Variants in LRRC8B observed in about 807,000 individuals in gnomAD.
The protein encoded by LRRC8B is leucine rich repeat containing 8 VRAC subunit B.
Under a neutral mutation model 58.8 loss-of-function variants are expected in LRRC8B, and 23 were observed. The observed-to-expected ratio is 0.39, with a 90% CI of 0.28 to 0.55. The LOEUF is 0.55. Among genes scored for constraint, LRRC8B ranks in the 20% least tolerant of loss-of-function variants. The probability of loss-of-function intolerance (pLI) is 0.62; values close to 1 mark genes in which losing one functional copy is unlikely to be tolerated. For synonymous variants in LRRC8B, 359 were observed against 374.1 expected (o/e 0.96, Z 0.47); for missense variants, 694 against 936.0 (o/e 0.74, Z 3.37).
intron 1 of LRRC8B, among the ~76,000 whole-genome samples, chr1:89,564,049 T>C (rs1652864968): frequency 6.6e-6 from 1 of 152,248 alleles, no homozygotes. Flanking sequence ...GGTTTTGATT[T>C]ATTTTAACCA....
chr1:89,567,676 T>C (rs983207369), intron 1 of LRRC8B, among the ~76,000 whole-genome samples: 17 of 152,146 alleles, frequency 1.1e-4, no homozygotes, highest in Middle Eastern at 3.2e-3. Context: ...TTTGATGCTG[T>C]ATATCAGAGG....
rs1418087382 is a variant in LRRC8B at position 89,561,536 on chromosome 1, C to G, written c.-240-6711C>G. On this transcript the variant is annotated intron_variant, in intron 1 of 5. Transcript: ENST00000330947. Reference sequence around the variant, plus strand: ...ATGGTTTTAGGTCTAACGTTTAAATCTTTAATCCATCTTGAATTGATTTTT... The same window carrying G: ...ATGGTTTTAGGTCTAACGTTTAAATGTTTAATCCATCTTGAATTGATTTTT... Among the ~76,000 whole-genome samples the G allele has an allele frequency of 2.3e-3, 209 of 91,104 alleles. 2 individuals carry two copies. The highest frequency in any genetic ancestry group is 0.012 in the Middle Eastern group (3 of 242). 59.8% of individuals were successfully genotyped at this position (91,104 alleles called of 152,430 possible).
At chr1:89,545,445 A>G (rs1011957629) in intron 1 of LRRC8B, among the ~76,000 whole-genome samples, 1 of 152,228 alleles carries the variant, frequency 6.6e-6, no homozygotes, top group Non-Finnish European at 1.5e-5. Flanking sequence ...ACAGAAGGGC[A>G]GGACAAGAAC....
chr1:89,528,902 T>C (rs1649897346), intron 1 of LRRC8B, among the ~76,000 whole-genome samples: 1 of 152,190 alleles, frequency 6.6e-6, no homozygotes, highest in South Asian at 2.1e-4. Flanking sequence ...TACTTCTTGT[T>C]ATATGTCATT....
At chr1:89,555,064 A>G (rs1036816949) in intron 1 of LRRC8B, among the ~76,000 whole-genome samples, 32 of 152,082 alleles carry the variant, frequency 2.1e-4, no homozygotes, top group African/African-American at 7.7e-4. Context: ...CAGAGGGCCC[A>G]TGTTTCTCCT....
intron 4 of LRRC8B, among the ~76,000 whole-genome samples, chr1:89,580,995 T>C (rs538076603): frequency 6.6e-6 from 1 of 151,138 alleles, no homozygotes; most frequent in Non-Finnish European, 1.5e-5. Flanking sequence ...CAAATGAGAG[T>C]AAAAAAGTCT....
chr1:89,583,533 G>T lies in LRRC8B; in HGVS notation c.883G>T (p.Ala295Ser). The stretch of plus-strand genomic sequence containing the variant: ...AATCGACTGTTCAGTTGATGTGCAG[G>T]CTTTTACAGGATATAAGCGCTACCA... ...LEIDCSVDVQ[A>S]FTGYKRYQCV... Residue 295 changes from alanine (A) to serine (S), a missense_variant, in exon 5 of 6, where the codon GCT (alanine) becomes TCT (serine). Physicochemically the swap from Ala to Ser is moderately conservative, Grantham distance 99 (BLOSUM62 1). Coordinates refer to ENST00000330947, the MANE Select transcript of LRRC8B (RefSeq NM_001369817.2). The surrounding 1 kb of genome is among the most constrained non-coding windows in gnomAD (Gnocchi z 5.2). 1 of 1,612,708 alleles carries T rather than the reference G, an allele frequency of 6.2e-7. No homozygotes were observed. The highest frequency in any genetic ancestry group is 8.5e-7 in the Non-Finnish European group (1 of 1,180,036).
At chr1:89,566,123 A>G (rs1653031872) in intron 1 of LRRC8B, among the ~76,000 whole-genome samples, 1 of 152,200 alleles carries the variant, frequency 6.6e-6, no homozygotes, top group Non-Finnish European at 1.5e-5. Context: ...AACCCATGAA[A>G]GAGACATTGG....
At chr1:89,535,717 A>G (rs1264278105) in intron 1 of LRRC8B, among the ~76,000 whole-genome samples, 2 of 152,214 alleles carry the variant, frequency 1.3e-5, no homozygotes, top group Non-Finnish European at 2.9e-5. Flanking sequence ...TTAGTTAAAG[A>G]TAACCAGCCG....
intron 5 of LRRC8B, among the ~76,000 whole-genome samples, chr1:89,587,445 A>G (rs1348434872): frequency 6.6e-6 from 1 of 152,116 alleles, no homozygotes; most frequent in African/African-American, 2.4e-5. Flanking sequence ...GAGGCAGAAG[A>G]ATTGCTTGAA....
rs1487811943 is a variant in LRRC8B at position 89,597,641 on chromosome 1, A to G, written c.*4598A>G. ...ACCTTCACATATTTATCTGTGTACA[A>G]TTGTTTTTGCTTCTGGTAATGAATT... On this transcript the variant is annotated 3_prime_UTR_variant, in exon 6 of 6. Coordinates refer to ENST00000330947, the MANE Select transcript of LRRC8B (RefSeq NM_001369817.2). The G allele has an allele frequency of 1.3e-5, 2 of 152,120 alleles. No homozygotes were observed. The highest frequency in any genetic ancestry group is 2.9e-5 in the Non-Finnish European group (2 of 68,018). 9.4% of individuals were successfully genotyped at this position (152,120 alleles called of 1,614,324 possible).
chr1:89,584,128 G>T lies in LRRC8B; in HGVS notation c.1478G>T (p.Arg493Leu). 1 of 1,613,192 alleles carries T rather than the reference G, an allele frequency of 6.2e-7. No individual in the cohort carries two copies. The change falls in exon 5 of 6, where the codon CGC (arginine) becomes CTC (leucine). Residue 493 changes from arginine (R) to leucine (L), a missense_variant. Arg to Leu is a moderately radical substitution (Grantham distance 102). This residue lies in a region of LRRC8B where 162 missense variants were observed against 198.5 expected (regional missense o/e 0.82). Coordinates refer to ENST00000330947, the MANE Select transcript of LRRC8B (RefSeq NM_001369817.2). ...AFLEENLKIL[R>L]LKFTEMGKIP... Reference sequence around the variant, plus strand: ...CTAGAGGAGAATTTAAAAATCCTCCGCCTGAAATTTACTGAAATGGGAAAA... The same window carrying T: ...CTAGAGGAGAATTTAAAAATCCTCCTCCTGAAATTTACTGAAATGGGAAAA...
chr1:89,542,145 C>A (rs1651048411), intron 1 of LRRC8B, among the ~76,000 whole-genome samples: 1 of 152,128 alleles, frequency 6.6e-6, no homozygotes. Flanking sequence ...ACATGTCTTG[C>A]TTTCATGACA....
intron 1 of LRRC8B, among the ~76,000 whole-genome samples, chr1:89,564,970 A>C (rs1005341050): frequency 6.6e-6 from 1 of 152,224 alleles, no homozygotes; most frequent in African/African-American, 2.4e-5. Context: ...AGAGTGTGTT[A>C]TAGCAGATGT....
chr1:89,566,795 T>C (rs1184095030), intron 1 of LRRC8B, among the ~76,000 whole-genome samples: 3 of 152,226 alleles, frequency 2.0e-5, no homozygotes, highest in Admixed American at 6.5e-5. Flanking sequence ...AGCTGATTGC[T>C]GCTGTGTTGT....
intron 1 of LRRC8B, among the ~76,000 whole-genome samples, chr1:89,529,754 G>A (rs1242770385): frequency 6.6e-6 from 1 of 152,078 alleles, no homozygotes; most frequent in Non-Finnish European, 1.5e-5. Context: ...AATATGGAAT[G>A]GTTAATGATA....
At chr1:89,546,804 T>C (rs1461613691) in intron 1 of LRRC8B, among the ~76,000 whole-genome samples, 1 of 152,184 alleles carries the variant, frequency 6.6e-6, no homozygotes, top group Non-Finnish European at 1.5e-5. Flanking sequence ...GCTATTTCTC[T>C]ATAGCTAAGT....
intron 1 of LRRC8B, among the ~76,000 whole-genome samples, chr1:89,548,239 A>C (rs1162402709): frequency 6.6e-6 from 1 of 152,248 alleles, no homozygotes; most frequent in African/African-American, 2.4e-5. Context: ...TACTCAGAAT[A>C]CATCTTTTTT....
intron 1 of LRRC8B, among the ~76,000 whole-genome samples, chr1:89,550,897 T>A (rs949490297): frequency 2.6e-5 from 4 of 152,164 alleles, no homozygotes; most frequent in African/African-American, 7.2e-5. Flanking sequence ...CCCCATTGTA[T>A]CTCTCATGCC....
Sources: allele counts gnomAD v4.1 joint callset (sites outside exome capture counted in the v4.1 genomes callset), GRCh38; gene constraint gnomAD v4.1.1; regional missense constraint gnomAD v4.1.1; non-coding constraint Gnocchi (gnomAD v3.1); transcripts MANE v1.5; gene names NCBI Gene and HGNC (gene_info 2026-07-23, HGNC 2026-07-21).